LRP1B: variants seen among roughly 807,000 people sequenced by gnomAD.
The protein encoded by LRP1B is LDL receptor related protein 1B.
Under a neutral mutation model 556.6 loss-of-function variants are expected in LRP1B, and 217 were observed. The ratio of observed to expected loss-of-function variants is 0.39; its 90% CI spans 0.35 to 0.44. The LOEUF (loss-of-function observed/expected upper bound fraction) is 0.44, where lower values mean the gene tolerates loss of function less well. LRP1B is among the 20% of genes least tolerant of loss of function. The pLI, the probability that LRP1B is intolerant of heterozygous loss-of-function variation, is 1.00. For missense variants in LRP1B, 5,053 were observed against 5,620.8 expected (o/e 0.90, Z 3.23); for synonymous variants, 2,047 against 1,865.8 (o/e 1.10, Z -2.50).
At chr2:141,659,394 T>C (rs997781253) in intron 2 of LRP1B, among the ~76,000 whole-genome samples, 4 of 152,168 alleles carry the variant, frequency 2.6e-5, no homozygotes, top group African/African-American at 9.7e-5. Flanking sequence ...ACTTTATTTA[T>C]AAAACAGTCA....
At position 140,445,440 on chromosome 2, in the gene LRP1B, G is replaced by A. The variant is rs188580927; in HGVS notation, c.10058-761C>T. Among the ~76,000 whole-genome samples, 846 of 152,098 alleles carry A rather than the reference G, an allele frequency of 5.6e-3. 27 individuals are homozygous for A. The highest frequency in any genetic ancestry group is 0.051 in the Admixed American group (775 of 15,258). ...CACGATACATATTCTCCAGCACAAC[G>A]TAAAGCAAATGCTTTCTATATCTAT... On this transcript the variant is annotated intron_variant, in intron 63 of 90. Coordinates refer to ENST00000389484, the MANE Select transcript of LRP1B (RefSeq NM_018557.3).
At chr2:140,447,831 T>C (rs1338356769) in intron 63 of LRP1B, among the ~76,000 whole-genome samples, 1 of 152,012 alleles carries the variant, frequency 6.6e-6, no homozygotes, top group Non-Finnish European at 1.5e-5. Context: ...TTAGAGACCA[T>C]TGTGGGCTAT....
At position 141,077,531 on chromosome 2, in the gene LRP1B, C is replaced by G. The variant is rs778438216; in HGVS notation, c.1014-15258G>C. Reference sequence around the variant, plus strand: ...GGTCCACAGTTACTCAAACACTAATCTAGGTGCTGTTTTGAGGGTACTTCG... The same window carrying G: ...GGTCCACAGTTACTCAAACACTAATGTAGGTGCTGTTTTGAGGGTACTTCG... On this transcript the variant is annotated intron_variant, in intron 7 of 90. Transcript: ENST00000389484. 3.3e-4 allele frequency among the ~76,000 whole-genome samples: 50 copies of G among 152,264 alleles called. 1 individual carries two copies. Among genetic ancestry groups the G allele is most frequent in the Non-Finnish European group, 4.0e-4 (27 of 68,026 alleles).
intron 1 of LRP1B, among the ~76,000 whole-genome samples, chr2:141,841,873 G>A (rs1170894951): frequency 6.6e-6 from 1 of 152,050 alleles, no homozygotes; most frequent in Non-Finnish European, 1.5e-5. Context: ...ATAAAGATAT[G>A]TTTGTGAAAC....
At chr2:141,833,472 GA>G (rs1313292151) in intron 1 of LRP1B, among the ~76,000 whole-genome samples, 7 of 151,910 alleles carry the variant, frequency 4.6e-5, no homozygotes, top group Admixed American at 1.3e-4. Context: ...ATATTGCAGG[GA>G]AAAGATTTCA....
At chr2:141,216,218 C>T (rs76359388) in intron 6 of LRP1B, among the ~76,000 whole-genome samples, 10,245 of 152,256 alleles carry the variant, frequency 0.067, 434 homozygotes, top group East Asian at 0.15. Context: ...TACCTCGAAC[C>T]GCCACTTTCG....
intron 20 of LRP1B, among the ~76,000 whole-genome samples, chr2:140,935,702 C>G (rs1005120622): frequency 6.6e-6 from 1 of 151,886 alleles, no homozygotes; most frequent in African/African-American, 2.4e-5. Flanking sequence ...AAGTCTACAC[C>G]AACACACATT....
intron 1 of LRP1B, among the ~76,000 whole-genome samples, chr2:141,964,474 G>T (rs1021053808): frequency 6.7e-6 from 1 of 150,344 alleles, no homozygotes; most frequent in Non-Finnish European, 1.5e-5. Context: ...TGACAAACCT[G>T]AGAAAAACAA....
intron 3 of LRP1B, among the ~76,000 whole-genome samples, chr2:141,467,840 G>GA (rs1164003987): frequency 2.1e-4 from 2 of 9,348 alleles, no homozygotes; most frequent in Non-Finnish European, 1.1e-3. Context: ...TTTGCGGACC[G>GA]GGGGGGGGGG....
At chr2:142,125,359 T>C (rs1341971588) in intron 1 of LRP1B, among the ~76,000 whole-genome samples, 3 of 151,760 alleles carry the variant, frequency 2.0e-5, no homozygotes, top group Non-Finnish European at 4.4e-5. Flanking sequence ...GATTGACATG[T>C]TATTCAAATG....
At chr2:141,851,811 C>T (rs552591843) in intron 1 of LRP1B, among the ~76,000 whole-genome samples, 39 of 151,846 alleles carry the variant, frequency 2.6e-4, no homozygotes, top group African/African-American at 8.9e-4. Flanking sequence ...ATAGACATAC[C>T]TATCAGGAAA....
intron 2 of LRP1B, among the ~76,000 whole-genome samples, chr2:141,740,792 C>T (rs1199375809): frequency 5.3e-5 from 8 of 152,086 alleles, no homozygotes; most frequent in African/African-American, 1.7e-4. Flanking sequence ...GCACTGGCCT[C>T]GGAAGCCTCT....
At chr2:140,943,788 T>C (rs1304723830) in intron 20 of LRP1B, among the ~76,000 whole-genome samples, 3 of 152,074 alleles carry the variant, frequency 2.0e-5, no homozygotes, top group Non-Finnish European at 4.4e-5. Context: ...AGAGGAAAGT[T>C]TATAGCACTA....
At chr2:142,094,425 C>T (rs966131912) in intron 1 of LRP1B, among the ~76,000 whole-genome samples, 2 of 152,016 alleles carry the variant, frequency 1.3e-5, no homozygotes, top group African/African-American at 4.8e-5. Context: ...TGAGGGGCCA[C>T]TTGGCCTCAT....
Position 140,962,706 on chromosome 2 carries a change from G to C in LRP1B, c.2888-10766C>G, listed in dbSNP as rs566475909. On this transcript the variant is annotated intron_variant, in intron 18 of 90. Coordinates refer to ENST00000389484, the MANE Select transcript of LRP1B (RefSeq NM_018557.3). ...GAGCAGCCACCAGTGATTCAAATAT[G>C]GACATCTTCTCTACTGTGCGGGATA... 5.9e-5 allele frequency among the ~76,000 whole-genome samples: 9 copies of C among 152,268 alleles called. No homozygotes were observed. In the East Asian group the frequency reaches 1.7e-3, roughly 29 times the overall value.
chr2:141,614,003 G>A (rs531585365), intron 2 of LRP1B, among the ~76,000 whole-genome samples: 1 of 131,408 alleles, frequency 7.6e-6, no homozygotes, highest in East Asian at 2.5e-4. Context: ...AAACCAGGAG[G>A]CGGAGATTGT....
intron 2 of LRP1B, among the ~76,000 whole-genome samples, chr2:141,632,970 A>T (rs1437608260): frequency 6.6e-6 from 1 of 152,028 alleles, no homozygotes; most frequent in East Asian, 1.9e-4. Flanking sequence ...ATTAACTTCC[A>T]AATATGTTCT....
intron 60 of LRP1B, among the ~76,000 whole-genome samples, chr2:140,466,269 T>C (rs1467481577): frequency 6.6e-6 from 1 of 152,076 alleles, no homozygotes; most frequent in Admixed American, 6.6e-5. Context: ...TCAGAACAAA[T>C]TCTTAAAACA....
At chr2:140,779,004 T>C (rs1689594691) in intron 32 of LRP1B, among the ~76,000 whole-genome samples, 2 of 151,746 alleles carry the variant, frequency 1.3e-5, no homozygotes. Context: ...TTTTTAAAAT[T>C]TTGTCAGGTT....
Sources: gnomAD v4.1 joint callset for allele counts (sites outside exome capture counted in the v4.1 genomes callset) on GRCh38, gnomAD v4.1.1 for gene constraint, MANE v1.5 for transcripts, NCBI Gene and HGNC (gene_info 2026-07-23, HGNC 2026-07-21) for gene names.